TCF7L2: variants seen among roughly 807,000 people sequenced by gnomAD.
TCF7L2 encodes the protein transcription factor 7 like 2, also known as transcription factor 7-like 2.
In TCF7L2, 23 loss-of-function variants were observed where a neutral mutation model predicts 77.9. That is an observed-to-expected ratio of 0.30 (90% CI 0.21 to 0.42). TCF7L2 has a LOEUF of 0.42. Ranked by LOEUF, TCF7L2 falls within the 10% of genes least tolerant of loss-of-function variation. The probability of loss-of-function intolerance (pLI) is 1.00; values close to 1 mark genes in which losing one functional copy is unlikely to be tolerated. For synonymous variants in TCF7L2, 413 were observed against 340.2 expected, an observed-to-expected ratio of 1.21 and a Z score of -2.36; for missense variants, 654 against 793.1, an observed-to-expected ratio of 0.82 and a Z score of 2.11.
chr10:113,049,452 G>A (rs1231182690), intron 5 of TCF7L2, among the ~76,000 whole-genome samples: 2 of 151,996 alleles, frequency 1.3e-5, no homozygotes, highest in Non-Finnish European at 2.9e-5. Flanking sequence ...ACAGGCCCAA[G>A]TGTGTCCTCT....
rs946184768 is a variant in TCF7L2 at position 112,985,860 on chromosome 10, T to TGTG, written c.450+21236_450+21237insGTG. ...TTTAGCTTGGAAAGAAGCCTGTAGT[T>TGTG]TGTGTGTGTGTGTGTGTGTGTGTGT... On this transcript the variant is annotated intron_variant, in intron 4 of 13. Transcript: ENST00000627217. Among the ~76,000 whole-genome samples, 4 of 146,608 alleles carry TGTG rather than the reference T, an allele frequency of 2.7e-5. 1 individual carries two copies. Among genetic ancestry groups the TGTG allele is most frequent in the Admixed American group, 2.7e-4 (4 of 14,664 alleles).
At chr10:113,003,480 A>G (rs1455995267) in intron 4 of TCF7L2, among the ~76,000 whole-genome samples, 1 of 152,230 alleles carries the variant, frequency 6.6e-6, no homozygotes, top group Non-Finnish European at 1.5e-5. Flanking sequence ...GGGCTCAGAA[A>G]GAATGACTGC....
intron 4 of TCF7L2, among the ~76,000 whole-genome samples, chr10:112,984,913 C>T (rs1381510437): frequency 2.0e-5 from 3 of 152,128 alleles, no homozygotes; most frequent in Non-Finnish European, 4.4e-5. Context: ...AGGAGGCGTT[C>T]TGGGATGATG....
At chr10:112,974,616 T>C (rs2039011303) in intron 4 of TCF7L2, among the ~76,000 whole-genome samples, 1 of 152,130 alleles carries the variant, frequency 6.6e-6, no homozygotes, top group Non-Finnish European at 1.5e-5. Context: ...CTAATTTTTT[T>C]GTATTTTTAG....
intron 3 of TCF7L2, among the ~76,000 whole-genome samples, chr10:112,957,331 C>T (rs1267134784): frequency 6.6e-6 from 1 of 150,512 alleles, no homozygotes; most frequent in African/African-American, 2.5e-5. Flanking sequence ...AAAATGTACA[C>T]ATTACATAGT....
chr10:113,136,605 AG>A (rs2067441633), intron 5 of TCF7L2, among the ~76,000 whole-genome samples: 1 of 152,142 alleles, frequency 6.6e-6, no homozygotes. Context: ...AGATGTATTT[AG>A]GTGAAATAGT....
intron 5 of TCF7L2, among the ~76,000 whole-genome samples, chr10:113,118,991 C>T (rs371278041): frequency 6.6e-6 from 1 of 152,126 alleles, no homozygotes; most frequent in Non-Finnish European, 1.5e-5. Flanking sequence ...CGTTATCAGG[C>T]GCTGTCATTC....
chr10:113,000,741 G>C (rs1165127278), intron 4 of TCF7L2, among the ~76,000 whole-genome samples: 1 of 152,184 alleles, frequency 6.6e-6, no homozygotes, highest in Non-Finnish European at 1.5e-5. Flanking sequence ...AGAAGGCTCT[G>C]GGTACATGAG....
At chr10:113,141,338 C>T (rs753350626) in intron 6 of TCF7L2, 22 bp downstream of exon 6, 20 of 1,613,902 alleles carry the variant, frequency 1.2e-5, no homozygotes, top group African/African-American at 2.7e-5. Flanking sequence ...GCTACGGAGC[C>T]AAGGTAGAGT....
chr10:112,988,807 A>T (rs2042021369), intron 4 of TCF7L2, among the ~76,000 whole-genome samples: 5 of 152,210 alleles, frequency 3.3e-5, no homozygotes, highest in Admixed American at 3.3e-4. Context: ...TAGCAACAAG[A>T]AAAAAGAATA....
At chr10:113,080,880 G>A (rs11196219) in intron 5 of TCF7L2, among the ~76,000 whole-genome samples, 37,797 of 152,142 alleles carry the variant, frequency 0.25, 4,854 homozygotes, top group South Asian at 0.33. Context: ...ATCTAATGCT[G>A]ATAATTGGTT....
chr10:113,011,175 A>C (rs2046390434), intron 4 of TCF7L2, among the ~76,000 whole-genome samples: 1 of 152,146 alleles, frequency 6.6e-6, no homozygotes, highest in Non-Finnish European at 1.5e-5. Flanking sequence ...GGAACAAAAT[A>C]TGGTACCTGA....
At chr10:113,000,606 C>A (rs2044297434) in intron 4 of TCF7L2, among the ~76,000 whole-genome samples, 1 of 152,190 alleles carries the variant, frequency 6.6e-6, no homozygotes, top group African/African-American at 2.4e-5. Flanking sequence ...TGGATGATGG[C>A]TTTCCTGGAC....
At chr10:113,019,189 GA>G (rs933489248) in intron 4 of TCF7L2, among the ~76,000 whole-genome samples, 2 of 152,220 alleles carry the variant, frequency 1.3e-5, no homozygotes, top group African/African-American at 4.8e-5. Context: ...AGATGTCAAA[GA>G]AACATGTTGG....
chr10:112,999,306 A>C (rs1242207289), intron 4 of TCF7L2, among the ~76,000 whole-genome samples: 5 of 152,230 alleles, frequency 3.3e-5, no homozygotes, highest in Non-Finnish European at 7.3e-5. Flanking sequence ...GTGGCTTGGA[A>C]GCCCCATCCC....
intron 5 of TCF7L2, among the ~76,000 whole-genome samples, chr10:113,096,642 G>A (rs1304478130): frequency 6.6e-6 from 1 of 152,036 alleles, no homozygotes; most frequent in African/African-American, 2.4e-5. Context: ...GTCAATGTCT[G>A]GCCTCTTCTG....
intron 4 of TCF7L2, among the ~76,000 whole-genome samples, chr10:112,996,739 A>G (rs1290130172): frequency 6.6e-6 from 1 of 152,160 alleles, no homozygotes; most frequent in Non-Finnish European, 1.5e-5. Flanking sequence ...GGCCAAAGAG[A>G]TGGTTTCCTT....
intron 4 of TCF7L2, among the ~76,000 whole-genome samples, chr10:113,011,574 T>C (rs2046454545): frequency 6.6e-6 from 1 of 152,174 alleles, no homozygotes; most frequent in Non-Finnish European, 1.5e-5. Flanking sequence ...TGTCAAGTGT[T>C]ACTACCTTGA....
intron 4 of TCF7L2, among the ~76,000 whole-genome samples, 191 bp downstream of exon 4, chr10:112,964,815 G>GCGGT: frequency 1.9e-5 from 2 of 106,710 alleles, no homozygotes; most frequent in South Asian, 8.2e-4. Flanking sequence ...GTGGTGGTGG[G>GCGGT]GGGGGGTTGA....
Sources: gnomAD v4.1 joint callset for allele counts (sites outside exome capture counted in the v4.1 genomes callset) on GRCh38, gnomAD v4.1.1 for gene constraint, MANE v1.5 for transcripts, NCBI Gene and HGNC (gene_info 2026-07-23, HGNC 2026-07-21) for gene names.